Variants in SLC25A48 observed in about 807,000 individuals in gnomAD.
SLC25A48 encodes the protein solute carrier family 25 member 48.
A neutral mutation model predicts 32.2 loss-of-function variants in SLC25A48; 29 were observed. That is an observed-to-expected ratio of 0.90 (90% CI 0.67 to 1.23). SLC25A48 has a LOEUF of 1.23. Among genes scored for constraint, SLC25A48 ranks in the 50% most tolerant of loss-of-function variants. The pLI is 0.00. For missense variants in SLC25A48, 399 were observed against 422.7 expected (o/e 0.94, Z 0.49); for synonymous variants, 164 against 172.3 (o/e 0.95, Z 0.38).
At chr5:135,720,065 A>C (rs1216386499) in intron 3 of SLC25A48, among the ~76,000 whole-genome samples, 4 of 152,152 alleles carry the variant, frequency 2.6e-5, no homozygotes, top group African/African-American at 9.7e-5. Context: ...TCAGTATTCC[A>C]TTTTTTCATT....
intron 3 of SLC25A48, among the ~76,000 whole-genome samples, chr5:135,650,779 C>G (rs780788608): frequency 4.6e-5 from 7 of 151,858 alleles, no homozygotes; most frequent in African/African-American, 1.7e-4. Context: ...CATCTTTGTG[C>G]GTGTGTATGT....
At chr5:135,869,953 G>A (rs537618526) in intron 4 of SLC25A48, among the ~76,000 whole-genome samples, 72 of 152,310 alleles carry the variant, frequency 4.7e-4, no homozygotes, top group African/African-American at 1.6e-3. Flanking sequence ...GTTTGTTCAA[G>A]CATACTTCCC....
intron 3 of SLC25A48, among the ~76,000 whole-genome samples, chr5:135,777,719 T>C (rs1266230554): frequency 6.7e-6 from 1 of 149,018 alleles, no homozygotes; most frequent in African/African-American, 2.5e-5. Flanking sequence ...CCAGGTAAAA[T>C]AGAATTATAT....
chr5:135,661,179 A>C (rs984018963), intron 3 of SLC25A48, among the ~76,000 whole-genome samples: 1 of 152,324 alleles, frequency 6.6e-6, no homozygotes, highest in African/African-American at 2.4e-5. Context: ...CTCCCTCACC[A>C]GCTTCCTGTC....
chr5:135,834,825 G>T lies in SLC25A48; in HGVS notation c.-23G>T. 3 of 1,583,336 alleles carry T rather than the reference G, an allele frequency of 1.9e-6. No individual in the cohort carries two copies. Among genetic ancestry groups the T allele is most frequent in the Non-Finnish European group, 1.7e-6 (2 of 1,165,308 alleles). On this transcript the variant is annotated 5_prime_UTR_variant, in exon 1 of 8. Coordinates refer to ENST00000681962, the MANE Select transcript of SLC25A48 (RefSeq NM_001349336.2). The stretch of plus-strand genomic sequence containing the variant: ...TAAGTGGGCACTGCCCCGGCTCCGG[G>T]AGGGCGAGACCGAGCGCCGGCCATG...
intron 1 of SLC25A48, among the ~76,000 whole-genome samples, chr5:135,620,167 A>C (rs1752290871): frequency 1.3e-5 from 2 of 152,168 alleles, no homozygotes; most frequent in Admixed American, 1.3e-4. Flanking sequence ...CCCCAGAGCC[A>C]CAGGTGATGC....
At chr5:135,694,877 G>A (rs761630451) in intron 3 of SLC25A48, among the ~76,000 whole-genome samples, 1 of 152,118 alleles carries the variant, frequency 6.6e-6, no homozygotes, top group African/African-American at 2.4e-5. Flanking sequence ...GTGAGCCACC[G>A]TGCCCAGCCC....
At chr5:135,861,175 A>G (rs1443540502) in intron 4 of SLC25A48, among the ~76,000 whole-genome samples, 1 of 152,238 alleles carries the variant, frequency 6.6e-6, no homozygotes, top group Non-Finnish European at 1.5e-5. Flanking sequence ...ATCATGCTAT[A>G]TGGACAATTT....
chr5:135,805,239 C>A (rs10077216), intron 3 of SLC25A48, among the ~76,000 whole-genome samples: 3 of 150,726 alleles, frequency 2.0e-5, no homozygotes, highest in Non-Finnish European at 4.4e-5. Context: ...TGTGTACACC[C>A]GGGATATTAT....
At chr5:135,734,327 A>C (rs1755300156) in intron 3 of SLC25A48, among the ~76,000 whole-genome samples, 1 of 144,608 alleles carries the variant, frequency 6.9e-6, no homozygotes, top group Non-Finnish European at 1.5e-5. Context: ...TAATTTAGTT[A>C]AAATGTCTTG....
chr5:135,856,111 G>T (rs1760298847), intron 4 of SLC25A48, among the ~76,000 whole-genome samples: 1 of 152,202 alleles, frequency 6.6e-6, no homozygotes, highest in Admixed American at 6.5e-5. Flanking sequence ...ACGTATTTCA[G>T]TACCTTGAGG....
chr5:135,880,790 C>T (rs1490495792), intron 7 of SLC25A48, among the ~76,000 whole-genome samples: 2 of 152,184 alleles, frequency 1.3e-5, no homozygotes, highest in East Asian at 3.9e-4. Flanking sequence ...CTCAGGCTGT[C>T]CCCTCTGCCT....
At chr5:135,791,307 C>T (rs1007451456) in intron 3 of SLC25A48, among the ~76,000 whole-genome samples, 2 of 151,770 alleles carry the variant, frequency 1.3e-5, no homozygotes, top group African/African-American at 2.4e-5. Context: ...GTGAATGTTA[C>T]TTCTGATGTC....
chr5:135,828,583 C>A (rs1758125493), intron 4 of SLC25A48, among the ~76,000 whole-genome samples: 1 of 152,248 alleles, frequency 6.6e-6, no homozygotes, highest in African/African-American at 2.4e-5. Flanking sequence ...GCAAGCCCAC[C>A]AGTTCCCTGC....
At chr5:135,806,645 A>C (rs916933147) in intron 3 of SLC25A48, among the ~76,000 whole-genome samples, 19 of 150,356 alleles carry the variant, frequency 1.3e-4, no homozygotes, top group African/African-American at 1.9e-4. Flanking sequence ...TATTTTATAA[A>C]TAACTTAGCA....
intron 1 of SLC25A48, among the ~76,000 whole-genome samples, chr5:135,621,103 T>C (rs904655581): frequency 6.6e-6 from 1 of 152,214 alleles, no homozygotes; most frequent in Non-Finnish European, 1.5e-5. Flanking sequence ...TTTGAATGTA[T>C]GTGACAAACA....
intron 3 of SLC25A48, among the ~76,000 whole-genome samples, chr5:135,690,945 T>TC (rs869136927): frequency 3.3e-4 from 3 of 9,016 alleles, no homozygotes; most frequent in Non-Finnish European, 1.3e-3. Flanking sequence ...AGGGAAGGCA[T>TC]TTTTTTTTTT....
At chr5:135,779,028 CA>C (rs1357018825) in intron 3 of SLC25A48, among the ~76,000 whole-genome samples, 1 of 151,684 alleles carries the variant, frequency 6.6e-6, no homozygotes, top group Non-Finnish European at 1.5e-5. Context: ...TCCAGAGGGT[CA>C]AAAGATGATA....
chr5:135,738,521 C>T (rs1390474110), intron 3 of SLC25A48, among the ~76,000 whole-genome samples: 8 of 152,100 alleles, frequency 5.3e-5, no homozygotes, highest in Non-Finnish European at 1.0e-4. Flanking sequence ...TCCTTTACTC[C>T]TTTTACTCTC....
Sources: allele counts gnomAD v4.1 joint callset (sites outside exome capture counted in the v4.1 genomes callset), GRCh38; gene constraint gnomAD v4.1.1; transcripts MANE v1.5; gene names NCBI Gene and HGNC (gene_info 2026-07-23, HGNC 2026-07-21).